The following TRIM44 variants were observed in gnomAD, a reference collection of about 807,000 sequenced individuals.
TRIM44 encodes the protein tripartite motif-containing protein 44.
A neutral mutation model predicts 37.4 loss-of-function variants in TRIM44; 13 were observed. The ratio of observed to expected loss-of-function variants is 0.35; its 90% CI spans 0.23 to 0.55. The LOEUF is 0.55. TRIM44 is among the 20% of genes least tolerant of loss of function. TRIM44 has a pLI of 0.89. For synonymous variants in TRIM44, 175 were observed against 157.2 expected (o/e 1.11, Z -0.85); for missense variants, 426 against 437.2 (o/e 0.97, Z 0.23).
chr11:35,801,653 G>A (rs1853372237), intron 4 of TRIM44, among the ~76,000 whole-genome samples: 1 of 152,152 alleles, frequency 6.6e-6, no homozygotes, highest in South Asian at 2.1e-4. Flanking sequence ...GGGTCTGAAT[G>A]TGGAGCTTAT....
At chr11:35,725,064 A>G (rs1040681076) in intron 2 of TRIM44, among the ~76,000 whole-genome samples, 1 of 98,082 alleles carries the variant, frequency 1.0e-5, no homozygotes, top group Non-Finnish European at 1.8e-5. Context: ...ACATGCACAC[A>G]CTCACACACA....
intron 4 of TRIM44, among the ~76,000 whole-genome samples, chr11:35,743,348 C>T (rs1852439279): frequency 1.3e-5 from 2 of 152,178 alleles, no homozygotes; most frequent in Admixed American, 6.5e-5. Flanking sequence ...GCATTGCCCC[C>T]TTATAGAAGA....
At chr11:35,750,043 A>G (rs886254059) in intron 4 of TRIM44, among the ~76,000 whole-genome samples, 1 of 152,268 alleles carries the variant, frequency 6.6e-6, no homozygotes, top group Admixed American at 6.5e-5. Flanking sequence ...AAGTCTAGAT[A>G]TGGAAATTAA....
chr11:35,751,023 A>AT (rs1303033295), intron 4 of TRIM44, among the ~76,000 whole-genome samples: 2 of 152,030 alleles, frequency 1.3e-5, no homozygotes, highest in African/African-American at 4.8e-5. Context: ...TAATAATGTG[A>AT]TTTTTTTCCT....
rs569303203 is a variant in TRIM44, at chr11:35,732,284, T to C, written c.988-3142T>C. ...ACTGGTGGAGGTAGAAATGGGAGGT[T>C]GCACAAGAGTGCAGTCTGCCATCAG... is the stretch of plus-strand genomic sequence containing the variant. On this transcript the variant is annotated intron_variant, in intron 3 of 4. Transcript: ENST00000299413. 2.6e-5 allele frequency among the ~76,000 whole-genome samples: 4 copies of C among 152,314 alleles called. No homozygotes were observed. The South Asian group carries it at 8.3e-4, about 32-fold the overall frequency.
intron 4 of TRIM44, among the ~76,000 whole-genome samples, chr11:35,761,631 G>C (rs1043326597): frequency 6.6e-6 from 1 of 152,128 alleles, no homozygotes; most frequent in Non-Finnish European, 1.5e-5. Context: ...TGTCATCTCT[G>C]TTTTCCAAAT....
chr11:35,762,948 A>C (rs532832225), intron 4 of TRIM44, among the ~76,000 whole-genome samples: 5 of 152,340 alleles, frequency 3.3e-5, no homozygotes, highest in African/African-American at 1.2e-4. Context: ...CCATTCATTC[A>C]GTTAAAAAAA....
At chr11:35,803,335 A>C (rs1174493056) in intron 4 of TRIM44, among the ~76,000 whole-genome samples, 1 of 152,136 alleles carries the variant, frequency 6.6e-6, no homozygotes, top group Admixed American at 6.5e-5. Flanking sequence ...TGTAAGTCTA[A>C]GTGTGACTGG....
At chr11:35,748,183 G>C (rs1852515648) in intron 4 of TRIM44, among the ~76,000 whole-genome samples, 1 of 152,144 alleles carries the variant, frequency 6.6e-6, no homozygotes, top group Non-Finnish European at 1.5e-5. Flanking sequence ...TCACCCAGAA[G>C]TGACCCAGAA....
intron 2 of TRIM44, among the ~76,000 whole-genome samples, chr11:35,713,487 A>G (rs531927515): frequency 6.8e-6 from 1 of 146,094 alleles, no homozygotes; most frequent in Non-Finnish European, 1.5e-5. Context: ...AAAAGTTTAC[A>G]TTGAATATGA....
intron 2 of TRIM44, among the ~76,000 whole-genome samples, chr11:35,695,158 C>T (rs1246736912): frequency 6.6e-6 from 1 of 152,066 alleles, no homozygotes; most frequent in Admixed American, 6.6e-5. Context: ...CCAATATATT[C>T]AATTTGGATC....
chr11:35,758,515 G>C (rs2133857961), intron 4 of TRIM44, among the ~76,000 whole-genome samples: 1 of 152,176 alleles, frequency 6.6e-6, no homozygotes, highest in African/African-American at 2.4e-5. Context: ...GATTAATATT[G>C]TTATGTGTGA....
At chr11:35,685,904 C>T (rs769947932) in intron 2 of TRIM44, among the ~76,000 whole-genome samples, 37 of 152,126 alleles carry the variant, frequency 2.4e-4, no homozygotes, top group Non-Finnish European at 4.7e-4. Context: ...CCTCGTGATC[C>T]GCCCTCCTCG....
At chr11:35,783,900 G>T (rs1853096048) in intron 4 of TRIM44, among the ~76,000 whole-genome samples, 1 of 152,234 alleles carries the variant, frequency 6.6e-6, no homozygotes. Flanking sequence ...CACGTTTTGG[G>T]GTGCCCCAAG....
At position 35,815,823 on chromosome 11, in the gene TRIM44, A is replaced by G. The variant is rs746236230; in HGVS notation, c.*9438A>G. On this transcript the variant is annotated 3_prime_UTR_variant, in exon 5 of 5. Transcript: ENST00000299413. ...GTCTGTCTTTTGCCATTTCTGGGAC[A>G]ATGAGAAAATCCATCTGGAGTGTTT... 2.0e-5 allele frequency: 3 copies of G among 152,198 alleles called. No individual in the cohort carries two copies. Among genetic ancestry groups the G allele is most frequent in the Non-Finnish European group, 4.4e-5 (3 of 68,042 alleles). The allele number at this position is 152,198 out of a possible 1,614,324, so 9.4% of individuals were successfully genotyped here.
At chr11:35,786,529 T>G (rs1326653352) in intron 4 of TRIM44, among the ~76,000 whole-genome samples, 1 of 152,142 alleles carries the variant, frequency 6.6e-6, no homozygotes, top group African/African-American at 2.4e-5. Context: ...CCTGGCAAGA[T>G]TCACAGTCCC....
intron 4 of TRIM44, among the ~76,000 whole-genome samples, chr11:35,767,373 A>G (rs955140646): frequency 4.6e-5 from 7 of 152,152 alleles, no homozygotes; most frequent in Admixed American, 1.3e-4. Context: ...GTGAACATAC[A>G]AGATCACCTT....
rs555712300 is a variant in TRIM44, at chr11:35,809,629, G to A, written c.*3244G>A. The A allele has an allele frequency of 1.3e-5, 2 of 152,258 alleles. No individual in the cohort carries two copies. The highest frequency in any genetic ancestry group is 4.8e-5 in the African/African-American group (2 of 41,544). The allele number at this position is 152,258 out of a possible 1,614,324, so 9.4% of individuals were successfully genotyped here. A position where few individuals can be genotyped will look rare whatever the true frequency, so the allele number is the denominator to read the frequency against. Reference sequence around the variant, plus strand: ...ATAGAACTTTGCAGCAGTAGTAAAAGTGAAGGGTGTTCTGCTCTCTACTCA... The same window carrying A: ...ATAGAACTTTGCAGCAGTAGTAAAAATGAAGGGTGTTCTGCTCTCTACTCA... On this transcript the variant is annotated 3_prime_UTR_variant, in exon 5 of 5. Transcript: ENST00000299413.
chr11:35,764,958 A>G (rs1192349094), intron 4 of TRIM44, among the ~76,000 whole-genome samples: 3 of 152,102 alleles, frequency 2.0e-5, no homozygotes, highest in Non-Finnish European at 4.4e-5. Context: ...ACCCATCCCT[A>G]TTCCATATCC....
Sources: allele counts gnomAD v4.1 joint callset (sites outside exome capture counted in the v4.1 genomes callset), GRCh38; gene constraint gnomAD v4.1.1; transcripts MANE v1.5; gene names NCBI Gene and HGNC (gene_info 2026-07-23, HGNC 2026-07-21).